The following GFPT2 variants were observed in gnomAD, a reference collection of about 807,000 sequenced individuals.
The protein encoded by GFPT2 is glutamine--fructose-6-phosphate transaminase 2.
In GFPT2, 62 loss-of-function variants were observed where a neutral mutation model predicts 85.6. The observed-to-expected ratio is 0.72, with a 90% confidence interval of 0.59 to 0.90. The LOEUF is 0.90. Ranked by LOEUF, GFPT2 falls within the 40% of genes least tolerant of loss-of-function variation. The pLI is 0.00. For missense variants in GFPT2, 788 were observed against 893.4 expected, an observed-to-expected ratio of 0.88 and a Z score of 1.50; for synonymous variants, 368 against 344.5, an observed-to-expected ratio of 1.07 and a Z score of -0.75.
At position 180,342,004 on chromosome 5, in the gene GFPT2, C is replaced by T. The variant is rs140046916; in HGVS notation, c.8-3404G>A. 2.6e-5 allele frequency among the ~76,000 whole-genome samples: 4 copies of T among 152,258 alleles called. No homozygotes were observed. The East Asian group carries it at 7.7e-4, about 29-fold the overall frequency. On this transcript the variant is annotated intron_variant, in intron 1 of 18. Coordinates refer to ENST00000253778, the MANE Select transcript of GFPT2 (RefSeq NM_005110.4). Reference sequence around the variant, plus strand: ...CCCACGTGTAAGGAGGTAAATGAATCATGGGGGCGGCTCTTTCCCATGCTG... The same window carrying T: ...CCCACGTGTAAGGAGGTAAATGAATTATGGGGGCGGCTCTTTCCCATGCTG...
chr5:180,305,475 C>T lies in GFPT2; in HGVS notation c.1675-536G>A, dbSNP rs181112985. Reference sequence around the variant, plus strand: ...CCATCTCTATTCAGTTACCACAAATCCACGTCATTGAAATGGTGAGACAGT... The same window carrying T: ...CCATCTCTATTCAGTTACCACAAATTCACGTCATTGAAATGGTGAGACAGT... On this transcript the variant is annotated intron_variant, in intron 16 of 18. Coordinates refer to ENST00000253778, the MANE Select transcript of GFPT2 (RefSeq NM_005110.4). Among the ~76,000 whole-genome samples the T allele has an allele frequency of 1.2e-4, 18 of 152,302 alleles. 1 individual carries two copies. The highest frequency in any genetic ancestry group is 3.4e-3 in the Middle Eastern group (1 of 294).
intron 7 of GFPT2, among the ~76,000 whole-genome samples, chr5:180,327,942 A>G (rs1301522318): frequency 6.6e-6 from 1 of 152,142 alleles, no homozygotes; most frequent in Non-Finnish European, 1.5e-5. Flanking sequence ...GGGGGCCCAC[A>G]TTGTACAGGC....
intron 14 of GFPT2, 61 bp downstream of exon 14, chr5:180,313,746 C>T (rs1178611360): frequency 6.9e-7 from 1 of 1,447,802 alleles, no homozygotes; most frequent in African/African-American, 1.4e-5. Context: ...AGGAGGGCGG[C>T]CTCTGGTGCA....
chr5:180,334,861 C>T (rs544497616), intron 4 of GFPT2, among the ~76,000 whole-genome samples: 1 of 152,334 alleles, frequency 6.6e-6, no homozygotes, highest in East Asian at 1.9e-4. Flanking sequence ...TACTGCATCC[C>T]ACTGCAGGGG....
intron 1 of GFPT2, among the ~76,000 whole-genome samples, chr5:180,347,280 C>T (rs1401745884): frequency 6.6e-6 from 1 of 152,208 alleles, no homozygotes; most frequent in African/African-American, 2.4e-5. Flanking sequence ...TGGCCCTGGG[C>T]CAAGCATCCT....
chr5:180,332,235 TGGCGGGGG>T (rs938965490), intron 4 of GFPT2, among the ~76,000 whole-genome samples: 63 of 62,200 alleles, frequency 1.0e-3, no homozygotes, highest in Non-Finnish European at 1.9e-3. Flanking sequence ...GGCGGGGAGG[TGGCGGGGG>T]GGCGGGGGGA....
At chr5:180,350,445 C>T (rs1764692003) in intron 1 of GFPT2, among the ~76,000 whole-genome samples, 1 of 152,206 alleles carries the variant, frequency 6.6e-6, no homozygotes, top group Non-Finnish European at 1.5e-5. Flanking sequence ...GCTCAAGGTC[C>T]TCCCTCCACA....
intron 16 of GFPT2, 106 bp downstream of exon 16, chr5:180,307,070 G>T: frequency 1.1e-6 from 1 of 906,528 alleles, no homozygotes; most frequent in Non-Finnish European, 1.7e-6. Flanking sequence ...GGGGTCCTTA[G>T]GCCCGGCCCT....
At chr5:180,316,482 T>C (rs373251305) in intron 12 of GFPT2, 21 bp from the exon 13 acceptor site, 9 of 1,613,820 alleles carry the variant, frequency 5.6e-6, no homozygotes, top group African/African-American at 1.3e-5. Context: ...CAAGCAAGCA[T>C]GGAGACTAAA....
intron 1 of GFPT2, chr5:180,352,513 G>A (rs1446716131): frequency 2.0e-5 from 9 of 445,910 alleles, no homozygotes; most frequent in Non-Finnish European, 4.0e-5. Context: ...GCGCGGGAGC[G>A]CCGCGGGAAT....
chr5:180,306,138 C>T (rs1005829380), intron 16 of GFPT2, among the ~76,000 whole-genome samples: 1 of 152,122 alleles, frequency 6.6e-6, no homozygotes, highest in African/African-American at 2.4e-5. Context: ...GCGTGCACCA[C>T]CACGCCCAGC....
chr5:180,301,474 G>T lies in GFPT2; in HGVS notation c.*90C>A, dbSNP rs1763670693. The T allele has an allele frequency of 9.1e-7, 1 of 1,102,448 alleles. No individual in the cohort carries two copies. Among genetic ancestry groups the T allele is most frequent in the African/African-American group, 1.5e-5 (1 of 65,236 alleles). The allele number at this position is 1,102,448 out of a possible 1,614,324, so 68.3% of individuals were successfully genotyped here. A position where few individuals can be genotyped will look rare whatever the true frequency, so the allele number is the denominator to read the frequency against. ...CAGGAGCACGCAGAACATGTGGGAT[G>T]TCCACTTCTCTTCCCATGTAGCATC... On this transcript the variant is annotated 3_prime_UTR_variant, in exon 19 of 19. Coordinates refer to ENST00000253778, the MANE Select transcript of GFPT2 (RefSeq NM_005110.4).
At chr5:180,321,276 A>G (rs1208358279) in intron 9 of GFPT2, among the ~76,000 whole-genome samples, 1 of 152,246 alleles carries the variant, frequency 6.6e-6, no homozygotes, top group Non-Finnish European at 1.5e-5. Context: ...CCATTGTAGC[A>G]TTAACCAACC....
intron 4 of GFPT2, among the ~76,000 whole-genome samples, chr5:180,333,167 A>G (rs1490446217): frequency 6.6e-6 from 1 of 151,734 alleles, no homozygotes. Flanking sequence ...TGTTGGATCC[A>G]TATTAACTGG....
chr5:180,335,712 T>A (rs1325456526), intron 4 of GFPT2, 116 bp downstream of exon 4: 15 of 1,069,864 alleles, frequency 1.4e-5, no homozygotes, highest in Non-Finnish European at 2.0e-5. Flanking sequence ...CTTGGGAAGA[T>A]GAAGTAGGCT....
intron 14 of GFPT2, 50 bp from the exon 15 acceptor site, chr5:180,312,594 C>A: frequency 2.0e-6 from 2 of 995,028 alleles, no homozygotes; most frequent in South Asian, 1.3e-5. Flanking sequence ...CTTTTTAAAT[C>A]AACTTTTATT....
In GFPT2 at chr5:180,330,737, G is replaced by C; in HGVS notation, c.497C>G (p.Thr166Arg). The C allele has an allele frequency of 6.2e-7, 1 of 1,612,830 alleles. No homozygotes were observed. Among genetic ancestry groups the C allele is most frequent in the Non-Finnish European group, 8.5e-7 (1 of 1,178,792 alleles). Residue 166 changes from threonine to arginine, a missense_variant, in exon 6 of 19, where the codon ACG (threonine) becomes AGG (arginine). Coordinates refer to ENST00000253778, the MANE Select transcript of GFPT2 (RefSeq NM_005110.4). This position sits in a 1 kb window ranked among gnomAD's most constrained non-coding sequence, Gnocchi z 4.4. ...VFDNRETEDI[T>R]FSTLVERVIQ... is the part of the protein sequence containing the mutation. ...GACTCTCTCGACCAACGTTGAAAAC[G>C]TAATGTCCTCAGTTTCTCTGTTGTC... is the stretch of plus-strand genomic sequence containing the variant.
At chr5:180,312,572 A>C in intron 14 of GFPT2, 28 bp from the exon 15 acceptor site, 1 of 1,176,108 alleles carries the variant, frequency 8.5e-7, no homozygotes, top group Non-Finnish European at 1.3e-6. Context: ...GGTGGCAGGG[A>C]CCTTATTTTC....
chr5:180,317,927 C>T lies in GFPT2; in HGVS notation c.958+866G>A, dbSNP rs560658277. 2.6e-5 allele frequency among the ~76,000 whole-genome samples: 4 copies of T among 152,194 alleles called. No individual in the cohort carries two copies. The East Asian group carries it at 7.7e-4, about 29-fold the overall frequency. ...AGGGCAGGCCGTGTTCTCTAGGATA[C>T]GCACACTCATGACACCAACATCGCC... On this transcript the variant is annotated intron_variant, in intron 10 of 18. Coordinates refer to ENST00000253778, the MANE Select transcript of GFPT2 (RefSeq NM_005110.4).
Sources: allele counts gnomAD v4.1 joint callset (sites outside exome capture counted in the v4.1 genomes callset), GRCh38; gene constraint gnomAD v4.1.1; non-coding constraint Gnocchi (gnomAD v3.1); transcripts MANE v1.5; gene names NCBI Gene and HGNC (gene_info 2026-07-23, HGNC 2026-07-21).